Variants in NAALADL2 observed in about 807,000 individuals in gnomAD.
NAALADL2 encodes N-acetylated alpha-linked acidic dipeptidase like 2.
A neutral mutation model predicts 87.2 loss-of-function variants in NAALADL2; 76 were observed. The observed-to-expected ratio is 0.87, with a 90% CI of 0.72 to 1.05. The LOEUF (loss-of-function observed/expected upper bound fraction) is 1.05, where lower values mean the gene tolerates loss of function less well. NAALADL2 is among the 50% of genes least tolerant of loss of function. The pLI, the probability that NAALADL2 is intolerant of heterozygous loss-of-function variation, is 0.00. For missense variants in NAALADL2, 1,089 were observed against 945.8 expected (o/e 1.15, Z -1.99); for synonymous variants, 354 against 331.0 (o/e 1.07, Z -0.75).
intron 3 of NAALADL2, among the ~76,000 whole-genome samples, chr3:174,789,705 C>A (rs1488683540): frequency 2.6e-5 from 4 of 152,166 alleles, no homozygotes; most frequent in Non-Finnish European, 5.9e-5. Flanking sequence ...TAACTGTATA[C>A]CATCAGCAGC....
intron 3 of NAALADL2, among the ~76,000 whole-genome samples, chr3:174,797,314 T>TTTTC (rs1560234282): frequency 3.9e-5 from 5 of 127,066 alleles, no homozygotes; most frequent in African/African-American, 6.4e-5. Flanking sequence ...TCTTTTTTTT[T>TTTTC]TTTTTTTTTT....
intron 1 of NAALADL2, among the ~76,000 whole-genome samples, chr3:174,886,675 T>C (rs528688718): frequency 6.6e-6 from 1 of 152,320 alleles, no homozygotes; most frequent in African/African-American, 2.4e-5. Flanking sequence ...AAATACACTT[T>C]TCAAAGCGAT....
chr3:175,333,162 A>G (rs1164979660), intron 5 of NAALADL2, among the ~76,000 whole-genome samples: 2 of 152,110 alleles, frequency 1.3e-5, no homozygotes. Flanking sequence ...TACTAGTGGT[A>G]GCTTCAATGG....
chr3:174,605,843 C>T (rs1274986707), intron 2 of NAALADL2, among the ~76,000 whole-genome samples: 1 of 152,200 alleles, frequency 6.6e-6, no homozygotes, highest in Non-Finnish European at 1.5e-5. Flanking sequence ...AGCTGGAGAT[C>T]TGAGAACGGG....
At chr3:174,504,634 CT>C (rs1158002863) in intron 1 of NAALADL2, among the ~76,000 whole-genome samples, 2 of 152,082 alleles carry the variant, frequency 1.3e-5, no homozygotes, top group Admixed American at 1.3e-4. Context: ...GAGTTTACAT[CT>C]ATTTACTGCC....
At chr3:174,782,314 T>C (rs1716085070) in intron 3 of NAALADL2, among the ~76,000 whole-genome samples, 1 of 152,176 alleles carries the variant, frequency 6.6e-6, no homozygotes, top group Admixed American at 6.6e-5. Flanking sequence ...AGTATATGTG[T>C]GTTTTAATAG....
rs111907847 is a variant in NAALADL2 at position 175,735,225 on chromosome 3, T to C, written c.1897-2081T>C. Among the ~76,000 whole-genome samples the C allele has an allele frequency of 2.7e-3, 406 of 152,338 alleles. 1 individual carries two copies. Among genetic ancestry groups the C allele is most frequent in the African/African-American group, 9.2e-3 (383 of 41,582 alleles). On this transcript the variant is annotated intron_variant, in intron 11 of 13. Transcript: ENST00000454872. ...TCCAGTTCCCAACAAGTTCCTTATCTTTATCTGAGACCACCTCACCCTGTA... is the reference window on the plus strand; with the variant it reads ...TCCAGTTCCCAACAAGTTCCTTATCCTTATCTGAGACCACCTCACCCTGTA...
At chr3:174,987,568 C>CAAAAAAA (rs1159602995) in intron 1 of NAALADL2, among the ~76,000 whole-genome samples, 452 of 20,838 alleles carry the variant, frequency 0.022, 52 homozygotes, top group Non-Finnish European at 0.029. Context: ...GACTCCGTCT[C>CAAAAAAA]AAAAAAAAAA....
At chr3:175,289,403 A>G (rs1755377205) in intron 4 of NAALADL2, among the ~76,000 whole-genome samples, 1 of 152,120 alleles carries the variant, frequency 6.6e-6, no homozygotes, top group Non-Finnish European at 1.5e-5. Context: ...ACTGGTATGC[A>G]CTCATATGCT....
chr3:174,998,627 A>G (rs1747841249), intron 1 of NAALADL2, among the ~76,000 whole-genome samples: 2 of 152,136 alleles, frequency 1.3e-5, no homozygotes, highest in Non-Finnish European at 2.9e-5. Flanking sequence ...CAGCTTTCAA[A>G]TTTTCACGTG....
At chr3:174,820,315 T>A (rs1037180827) in intron 3 of NAALADL2, among the ~76,000 whole-genome samples, 1 of 152,202 alleles carries the variant, frequency 6.6e-6, no homozygotes, top group Non-Finnish European at 1.5e-5. Flanking sequence ...AATTATTAAG[T>A]TGAAGTGTCT....
At chr3:175,450,461 A>G (rs1721397513) in intron 6 of NAALADL2, among the ~76,000 whole-genome samples, 1 of 152,342 alleles carries the variant, frequency 6.6e-6, no homozygotes, top group African/African-American at 2.4e-5. Flanking sequence ...CTAATTATTT[A>G]TCTTACCCAT....
intron 11 of NAALADL2, among the ~76,000 whole-genome samples, chr3:175,685,531 A>C (rs1459802355): frequency 6.7e-6 from 1 of 149,984 alleles, no homozygotes; most frequent in Admixed American, 6.7e-5. Context: ...GATGGAGAGA[A>C]AAAGAGAGAG....
chr3:174,591,239 C>A (rs1247982892), intron 2 of NAALADL2, among the ~76,000 whole-genome samples: 2 of 152,164 alleles, frequency 1.3e-5, no homozygotes, highest in East Asian at 1.9e-4. Context: ...CTTTTCTAAC[C>A]TGGCCTTCCA....
At chr3:174,792,559 A>G (rs948383647) in intron 3 of NAALADL2, among the ~76,000 whole-genome samples, 3 of 152,058 alleles carry the variant, frequency 2.0e-5, no homozygotes, top group African/African-American at 7.2e-5. Flanking sequence ...TGATTCTTAC[A>G]TGTTCTGCCT....
intron 5 of NAALADL2, among the ~76,000 whole-genome samples, chr3:175,419,902 G>T (rs1278730858): frequency 2.0e-5 from 3 of 151,924 alleles, no homozygotes; most frequent in Non-Finnish European, 2.9e-5. Flanking sequence ...AAAACAAGCA[G>T]TTATAGTAGA....
intron 2 of NAALADL2, among the ~76,000 whole-genome samples, chr3:175,176,075 C>T (rs114171465): frequency 0.02 from 3,019 of 151,986 alleles, 92 homozygotes; most frequent in African/African-American, 0.067. Context: ...CATCAGGAAC[C>T]GGTTTATTTG....
intron 4 of NAALADL2, among the ~76,000 whole-genome samples, chr3:175,295,084 TAA>T (rs973275589): frequency 4.6e-5 from 7 of 152,166 alleles, no homozygotes; most frequent in African/African-American, 9.7e-5. Flanking sequence ...TGCAGTCAGG[TAA>T]AAGAGTGTAT....
chr3:175,438,051 T>A (rs1310371292), intron 5 of NAALADL2, among the ~76,000 whole-genome samples: 1 of 152,112 alleles, frequency 6.6e-6, no homozygotes, highest in Admixed American at 6.6e-5. Context: ...TTTTATATCG[T>A]GAATCATGAA....
Sources: gnomAD v4.1 joint callset for allele counts (sites outside exome capture counted in the v4.1 genomes callset) on GRCh38, gnomAD v4.1.1 for gene constraint, MANE v1.5 for transcripts, NCBI Gene and HGNC (gene_info 2026-07-23, HGNC 2026-07-21) for gene names.